TTC17: variants seen among roughly 807,000 people sequenced by gnomAD.
The protein encoded by TTC17 is tetratricopeptide repeat domain 17.
A neutral mutation model predicts 143.8 loss-of-function variants in TTC17; 58 were observed. The ratio of observed to expected loss-of-function variants is 0.40; its 90% confidence interval spans 0.33 to 0.50. TTC17 has a LOEUF of 0.50. TTC17 is among the 20% of genes least tolerant of loss of function. The pLI is 0.49. For missense variants in TTC17, 1,273 were observed against 1,392.5 expected, an observed-to-expected ratio of 0.91 and a Z score of 1.37; for synonymous variants, 501 against 497.8, an observed-to-expected ratio of 1.01 and a Z score of -0.09.
At chr11:43,452,807 C>T (rs1947688737) in intron 21 of TTC17, among the ~76,000 whole-genome samples, 2 of 151,890 alleles carry the variant, frequency 1.3e-5, no homozygotes, top group Admixed American at 1.3e-4. Flanking sequence ...CCTGTAGTCT[C>T]AGCTACTTGA....
At position 43,486,556 on chromosome 11, in the gene TTC17, A is replaced by T. The variant is rs568642538; in HGVS notation, c.3031-3683A>T. The T allele has an allele frequency of 6.0e-4, 170 of 285,258 alleles. 3 individuals carry two copies. Among genetic ancestry groups the T allele is most frequent in the South Asian group, 5.1e-3 (163 of 31,856 alleles). The allele number at this position is 285,258 out of a possible 1,614,324, so 17.7% of individuals were successfully genotyped here. A position where few individuals can be genotyped will look rare whatever the true frequency, so the allele number is the denominator to read the frequency against. ...TATGTCAGAGATAGAACTATGTTTA[A>T]AAGGTGAAATGGAATAATAAAGATA... On this transcript the variant is annotated intron_variant, in intron 21 of 23. Coordinates refer to ENST00000039989, the MANE Select transcript of TTC17 (RefSeq NM_018259.6).
chr11:43,446,345 C>A (rs189354353), intron 18 of TTC17: 1 of 291,356 alleles, frequency 3.4e-6, no homozygotes, highest in Non-Finnish European at 5.5e-6. Context: ...TGTTCTATAT[C>A]TTCGCTCTAG....
intron 1 of TTC17, among the ~76,000 whole-genome samples, chr11:43,370,851 G>A (rs1856540051): frequency 6.6e-6 from 1 of 152,108 alleles, no homozygotes; most frequent in African/African-American, 2.4e-5. Context: ...CTGTTGTCCA[G>A]TCTGCAGTGC....
In TTC17 at chr11:43,396,719, C is replaced by T. The variant is rs768797475; in HGVS notation, c.674C>T (p.Ser225Leu). The T allele has an allele frequency of 3.2e-6, 5 of 1,581,396 alleles. No homozygotes were observed. Among genetic ancestry groups the T allele is most frequent in the Non-Finnish European group, 3.5e-6 (4 of 1,157,460 alleles). ...TTTTTTAATCTCTAGAACACTTCCT[C>T]GTGGGTACTGTATAACATGGCTTCA... ...IHEGLQKNTSSWVLYNMASFY... is the reference protein window; with the variant it reads ...IHEGLQKNTSLWVLYNMASFY... Residue 225 changes from serine to leucine, a missense_variant, in exon 6 of 24, where the codon TCG (serine) becomes TTG (leucine). This residue lies in a region of TTC17 where 325 missense variants were observed against 444.2 expected (regional missense o/e 0.73). Transcript: ENST00000039989.
At chr11:43,391,750 A>G in intron 4 of TTC17, 71 bp from the exon 5 acceptor site, 3 of 1,559,724 alleles carry the variant, frequency 1.9e-6, no homozygotes, top group Non-Finnish European at 2.6e-6. Flanking sequence ...AATAAACACT[A>G]CAAGATACTG....
At chr11:43,435,153 A>G (rs1947263822) in intron 16 of TTC17, 1 of 151,850 alleles carries the variant, frequency 6.6e-6, no homozygotes, top group Admixed American at 6.6e-5. Context: ...TTGAGACAAC[A>G]TTCTCTAAAA....
Position 43,389,704 on chromosome 11 carries a change from C to T in TTC17, c.302C>T (p.Thr101Ile), listed in dbSNP as rs772893262. The change falls in exon 3 of 24, where the codon ACA becomes ATA. Residue 101 changes from threonine to isoleucine, a missense_variant. Transcript: ENST00000039989. ...IHIEENEDRDTGLEQRHNKED... is the reference protein window; with the variant it reads ...IHIEENEDRDIGLEQRHNKED... The stretch of plus-strand genomic sequence containing the variant: ...ATAGAAGAGAATGAGGACAGAGACA[C>T]AGGACTGGAACAGAGACATAATAAA... 1.9e-6 allele frequency: 3 copies of T among 1,613,398 alleles called. No homozygotes were observed. Among genetic ancestry groups the T allele is most frequent in the Admixed American group, 3.3e-5 (2 of 59,948 alleles).
At chr11:43,476,177 A>G (rs1033793166) in intron 21 of TTC17, among the ~76,000 whole-genome samples, 7 of 152,208 alleles carry the variant, frequency 4.6e-5, no homozygotes, top group Admixed American at 1.3e-4. Context: ...CCTTGGAGAA[A>G]TAGCTTCTAC....
At chr11:43,471,830 A>G (rs957303283) in intron 21 of TTC17, among the ~76,000 whole-genome samples, 5 of 152,216 alleles carry the variant, frequency 3.3e-5, no homozygotes, top group African/African-American at 1.2e-4. Flanking sequence ...GGAGTAATAA[A>G]CATTTGATCA....
chr11:43,426,320 A>T (rs1947026709), intron 16 of TTC17, among the ~76,000 whole-genome samples: 4 of 152,262 alleles, frequency 2.6e-5, no homozygotes, highest in Admixed American at 2.6e-4. Flanking sequence ...AGGTGAGTGC[A>T]CCAGGTGACT....
chr11:43,429,966 A>G (rs1180007752), intron 16 of TTC17, among the ~76,000 whole-genome samples: 2 of 152,238 alleles, frequency 1.3e-5, no homozygotes, highest in South Asian at 2.1e-4. Flanking sequence ...CACAAAGACT[A>G]CTTTTCTAAC....
At chr11:43,380,628 A>G (rs1180664311) in intron 2 of TTC17, among the ~76,000 whole-genome samples, 1 of 152,242 alleles carries the variant, frequency 6.6e-6, no homozygotes, top group Non-Finnish European at 1.5e-5. Flanking sequence ...TTTCATTTAC[A>G]TACATTTAGT....
chr11:43,381,908 A>G (rs1438406099), intron 2 of TTC17, among the ~76,000 whole-genome samples: 2 of 152,204 alleles, frequency 1.3e-5, no homozygotes, highest in East Asian at 3.9e-4. Context: ...AGGATTGGGG[A>G]GGAGTTTGGC....
intron 16 of TTC17, among the ~76,000 whole-genome samples, chr11:43,430,644 C>T (rs957054746): frequency 6.6e-6 from 1 of 150,780 alleles, no homozygotes; most frequent in African/African-American, 2.4e-5. Context: ...GAATTAATCG[C>T]TGCTTTCTTC....
At chr11:43,447,858 A>T in intron 18 of TTC17, 144 bp from the exon 19 acceptor site, 1 of 967,610 alleles carries the variant, frequency 1.0e-6, no homozygotes, top group Non-Finnish European at 1.5e-6. Flanking sequence ...TAATTAGATC[A>T]TAGATGGGGG....
chr11:43,479,184 G>A (rs1047589319), intron 21 of TTC17, among the ~76,000 whole-genome samples: 5 of 151,362 alleles, frequency 3.3e-5, no homozygotes, highest in East Asian at 1.9e-4. Context: ...AGGTTGCAGT[G>A]AGCCAAGATC....
chr11:43,405,808 GATT>G lies in TTC17; in HGVS notation c.1622_1624del (p.Tyr541del). 6.2e-7 allele frequency: 1 copy of G among 1,613,970 alleles called. No individual in the cohort carries two copies. Among genetic ancestry groups the G allele is most frequent in the Non-Finnish European group, 8.5e-7 (1 of 1,179,916 alleles). On this transcript the variant is annotated inframe_deletion, in exon 13 of 24. Transcript: ENST00000039989. ...CAGGATCCACGAACTCAGCAGTGAT[GATT>G]ATTCTACAGAAGAAGAGGCCCAAAC...
chr11:43,403,996 A>C lies in TTC17; in HGVS notation c.1333-2A>C. On this transcript the variant is annotated splice_acceptor_variant, in intron 10 of 23. Coordinates refer to ENST00000039989, the MANE Select transcript of TTC17 (RefSeq NM_018259.6). LOFTEE classifies it high-confidence loss of function. ...GATTGAACTTTTTGTTTCATTTTCTAGTTTGGTGAGGATTCATCAACCTCC... is the reference window on the plus strand; with the variant it reads ...GATTGAACTTTTTGTTTCATTTTCTCGTTTGGTGAGGATTCATCAACCTCC... 6.3e-7 allele frequency: 1 copy of C among 1,586,064 alleles called. No individual in the cohort carries two copies. The highest frequency in any genetic ancestry group is 8.6e-7 in the Non-Finnish European group (1 of 1,167,362).
chr11:43,437,198 A>G (rs748616135), intron 16 of TTC17, among the ~76,000 whole-genome samples: 9 of 151,590 alleles, frequency 5.9e-5, no homozygotes, highest in African/African-American at 9.7e-5. Flanking sequence ...TATTGGCCCT[A>G]TTTTCTGAAA....
Sources: gnomAD v4.1 joint callset for allele counts (sites outside exome capture counted in the v4.1 genomes callset) on GRCh38, gnomAD v4.1.1 for gene constraint, gnomAD v4.1.1 regional missense constraint, MANE v1.5 for transcripts, NCBI Gene and HGNC (gene_info 2026-07-23, HGNC 2026-07-21) for gene names.